Variants in HYCC2 observed in about 807,000 individuals in gnomAD.
HYCC2 encodes hyccin PI4KA lipid kinase complex subunit 2, also known as hyccin 2.
the HYCC2 span, among the ~76,000 whole-genome samples, chr2:201,034,731 G>C: frequency 6.6e-6 from 1 of 152,166 alleles, no homozygotes; most frequent in Non-Finnish European, 1.5e-5. Flanking sequence ...GCATGTTTTT[G>C]CAGTGGCTGG....
the HYCC2 span, among the ~76,000 whole-genome samples, chr2:200,984,035 ATTTATT>A: frequency 1.3e-5 from 2 of 151,924 alleles, no homozygotes; most frequent in Non-Finnish European, 2.9e-5. Flanking sequence ...AAAAACATTT[ATTTATT>A]TTTATTATTT....
chr2:201,043,627 G>A, the HYCC2 span, among the ~76,000 whole-genome samples: 1 of 150,822 alleles, frequency 6.6e-6, no homozygotes, highest in Non-Finnish European at 1.5e-5. Context: ...TCCTGCCTCA[G>A]CCTCCCGAGT....
the HYCC2 span, among the ~76,000 whole-genome samples, chr2:201,038,385 A>T: frequency 1.3e-5 from 2 of 152,156 alleles, no homozygotes; most frequent in South Asian, 4.1e-4. Context: ...CAGCCATCCT[A>T]TTGCTGGGTA....
chr2:201,022,268 C>T, the HYCC2 span, among the ~76,000 whole-genome samples: 1 of 152,152 alleles, frequency 6.6e-6, no homozygotes, highest in Non-Finnish European at 1.5e-5. Flanking sequence ...GATTCAATAA[C>T]TGTACTTTTT....
the HYCC2 span, among the ~76,000 whole-genome samples, chr2:201,043,298 T>C: frequency 1.3e-5 from 2 of 151,872 alleles, no homozygotes; most frequent in East Asian, 1.9e-4. Context: ...CTGCGGAAGG[T>C]GGCAGGGCCC....
chr2:201,062,350 T>A, the HYCC2 span, among the ~76,000 whole-genome samples: 3 of 151,118 alleles, frequency 2.0e-5, no homozygotes, highest in Non-Finnish European at 4.4e-5. Flanking sequence ...CTGTCTCTAT[T>A]AAAAATACAA....
chr2:201,038,046 G>GA, the HYCC2 span, among the ~76,000 whole-genome samples: 6 of 151,816 alleles, frequency 4.0e-5, no homozygotes, highest in South Asian at 6.3e-4. Flanking sequence ...AAATTTACAA[G>GA]AAAAAAACAA....
chr2:201,022,899 C>T, the HYCC2 span: 5 of 1,613,470 alleles, frequency 3.1e-6, no homozygotes, highest in East Asian at 8.9e-5. Context: ...TGTAAAGTTG[C>T]TGCATAACTG....
the HYCC2 span, among the ~76,000 whole-genome samples, chr2:201,047,465 T>TATATATATATATATATATATATAC: frequency 6.7e-6 from 1 of 148,806 alleles, no homozygotes; most frequent in African/African-American, 2.5e-5. Flanking sequence ...TATATATATA[T>TATATATATATATATATATATATAC]ACACACACAC....
the HYCC2 span, among the ~76,000 whole-genome samples, chr2:201,056,210 A>T: frequency 1.4e-5 from 2 of 146,170 alleles, no homozygotes; most frequent in South Asian, 4.2e-4. Context: ...AAAAATAAAT[A>T]AAATAAAATA....
chr2:201,006,546 C>G, the HYCC2 span, among the ~76,000 whole-genome samples: 6 of 151,820 alleles, frequency 4.0e-5, no homozygotes, highest in African/African-American at 1.5e-4. Context: ...TACTAGATGC[C>G]TGAAAGAGTA....
At chr2:200,976,249 A>G in the HYCC2 span, 1 of 152,156 alleles carries the variant, frequency 6.6e-6, no homozygotes, top group African/African-American at 2.4e-5. Context: ...ATTGCTCTAA[A>G]ATTCTTACAG....
the HYCC2 span, among the ~76,000 whole-genome samples, chr2:201,006,384 A>G: frequency 6.9e-6 from 1 of 145,004 alleles, no homozygotes; most frequent in East Asian, 2.0e-4. Flanking sequence ...CAGGTGATCC[A>G]CCTGCATCGG....
the HYCC2 span, among the ~76,000 whole-genome samples, chr2:201,038,938 A>C: frequency 6.6e-6 from 1 of 152,126 alleles, no homozygotes; most frequent in African/African-American, 2.4e-5. Flanking sequence ...TAAAAAAAAA[A>C]AGCTTAACTA....
chr2:201,027,191 C>T, the HYCC2 span, among the ~76,000 whole-genome samples: 56 of 152,208 alleles, frequency 3.7e-4, 1 homozygote, highest in African/African-American at 1.1e-3. Flanking sequence ...AACAATTCTA[C>T]GCAAATAAAC....
the HYCC2 span, among the ~76,000 whole-genome samples, chr2:200,990,900 G>GT: frequency 2.0e-5 from 3 of 151,780 alleles, no homozygotes; most frequent in Non-Finnish European, 2.9e-5. Context: ...TAGAGACGGG[G>GT]TTTTGCCACG....
At chr2:200,992,465 C>T in the HYCC2 span, 859 of 831,550 alleles carry the variant, frequency 1.0e-3, 2 homozygotes, top group Non-Finnish European at 1.5e-3. Context: ...GGTTGTGAAG[C>T]AAAACTTTCA....
chr2:200,990,806 C>T, the HYCC2 span, among the ~76,000 whole-genome samples: 2 of 152,100 alleles, frequency 1.3e-5, no homozygotes, highest in African/African-American at 2.4e-5. Flanking sequence ...CTCCTGACCT[C>T]GTGATACACC....
At chr2:201,024,616 G>A in the HYCC2 span, among the ~76,000 whole-genome samples, 1 of 152,136 alleles carries the variant, frequency 6.6e-6, no homozygotes, top group East Asian at 1.9e-4. Context: ...AAATCAAGTT[G>A]CACATTATCC....
Sources: allele counts gnomAD v4.1 joint callset (sites outside exome capture counted in the v4.1 genomes callset), GRCh38; gene constraint gnomAD v4.1.1; transcripts MANE v1.5; gene names NCBI Gene and HGNC (gene_info 2026-07-23, HGNC 2026-07-21).